The following USP30 variants were observed in gnomAD, a reference collection of about 807,000 sequenced individuals.
The protein encoded by USP30 is ubiquitin specific peptidase 30, also known as ubiquitin carboxyl-terminal hydrolase 30.
In USP30, 41 loss-of-function variants were observed where a neutral mutation model predicts 68.2. The observed-to-expected ratio is 0.60, with a 90% CI of 0.47 to 0.78. The LOEUF (loss-of-function observed/expected upper bound fraction) is 0.78. Among genes scored for constraint, USP30 ranks in the 30% least tolerant of loss-of-function variants. The probability of loss-of-function intolerance (pLI) is 0.00; values close to 1 mark genes in which losing one functional copy is unlikely to be tolerated. For synonymous variants in USP30, 229 were observed against 253.7 expected, an observed-to-expected ratio of 0.90 and a Z score of 0.93; for missense variants, 522 against 649.4, an observed-to-expected ratio of 0.80 and a Z score of 2.13.
chr12:109,055,018 A>T (rs2098474832), intron 1 of USP30, among the ~76,000 whole-genome samples: 1 of 151,408 alleles, frequency 6.6e-6, no homozygotes, highest in Admixed American at 6.6e-5. Context: ...AATGTATTAC[A>T]CACACACACA....
intron 5 of USP30, 152 bp downstream of exon 5, chr12:109,071,862 A>G (rs1478390554): frequency 1.4e-6 from 1 of 690,012 alleles, no homozygotes; most frequent in South Asian, 1.9e-5. Context: ...TTAAAACTAC[A>G]TGCTTTGCAG....
Position 109,081,373 on chromosome 12 carries a change from A to G in USP30, c.760A>G (p.Ser254Gly), listed in dbSNP as rs767720874. The G allele has an allele frequency of 6.2e-7, 1 of 1,614,158 alleles. No individual in the cohort carries two copies. The highest frequency in any genetic ancestry group is 1.1e-5 in the South Asian group (1 of 91,082). ...TGATACCTTTGATAGCCTTTCACTAAGTATTCCAGCCGCCACATGGGTATG... is the reference window on the plus strand; with the variant it reads ...TGATACCTTTGATAGCCTTTCACTAGGTATTCCAGCCGCCACATGGGTATG... ...RFDTFDSLSLSIPAATWGHPL... is the reference protein window; with the variant it reads ...RFDTFDSLSLGIPAATWGHPL... The change falls in exon 8 of 13, where the codon AGT becomes GGT. Residue 254 changes from serine (S) to glycine (G), a missense_variant. Physicochemically the swap from Ser to Gly is moderately conservative, Grantham distance 56. Coordinates refer to ENST00000257548, the MANE Select transcript of USP30 (RefSeq NM_032663.5).
chr12:109,030,083 G>A (rs957047384), intron 3 of USP30, among the ~76,000 whole-genome samples: 3 of 152,088 alleles, frequency 2.0e-5, no homozygotes, highest in Admixed American at 1.3e-4. Flanking sequence ...TGCAAGTTAC[G>A]CTGTAAGATT....
intron 2 of USP30, 89 bp from the exon 3 acceptor site, chr12:109,057,837 C>A: frequency 7.1e-7 from 1 of 1,408,712 alleles, no homozygotes; most frequent in Non-Finnish European, 9.7e-7. Flanking sequence ...AAATTTAAGG[C>A]CACAGCGCAG....
intron 3 of USP30, among the ~76,000 whole-genome samples, chr12:109,065,628 T>C (rs2041224164): frequency 6.6e-6 from 1 of 152,222 alleles, no homozygotes; most frequent in African/African-American, 2.4e-5. Context: ...GATTGGCTAC[T>C]ATGGATTACA....
intron 3 of USP30, among the ~76,000 whole-genome samples, chr12:109,042,441 A>G (rs2040571619): frequency 6.6e-6 from 1 of 152,078 alleles, no homozygotes; most frequent in African/African-American, 2.4e-5. Flanking sequence ...CTCTCACACA[A>G]ATGATAGCAT....
intron 3 of USP30, among the ~76,000 whole-genome samples, chr12:109,059,567 G>T (rs1245650495): frequency 6.6e-6 from 1 of 152,080 alleles, no homozygotes; most frequent in Non-Finnish European, 1.5e-5. Flanking sequence ...AGGCTGGAGT[G>T]CAGTAGCACG....
intron 3 of USP30, among the ~76,000 whole-genome samples, chr12:109,041,940 T>C (rs1292760152): frequency 1.3e-5 from 2 of 152,174 alleles, no homozygotes; most frequent in African/African-American, 4.8e-5. Context: ...GACAAACTTA[T>C]AGAGTATCTC....
chr12:109,084,976 A>C lies in USP30; in HGVS notation c.1192A>C (p.Lys398Gln). 2 of 1,602,600 alleles carry C rather than the reference A, an allele frequency of 1.2e-6. No individual in the cohort carries two copies. Among genetic ancestry groups the C allele is most frequent in the African/African-American group, 1.3e-5 (1 of 74,716 alleles). The change falls in exon 12 of 13, where the codon AAA becomes CAA. Residue 398 changes from lysine (K) to glutamine (Q), a missense_variant. Lys to Gln is a moderately conservative substitution (Grantham distance 53). Transcript: ENST00000257548. Reference protein sequence around the residue: ...TPVLNQPGAPKTQIFMNGACS... With the variant: ...TPVLNQPGAPQTQIFMNGACS... ...AGTTCTGAATCAGCCAGGGGCCCCC[A>C]AAACACAGATTTTTATGAATGGCGC...
chr12:109,027,631 T>G (rs867802518), intron 3 of USP30: 3 of 152,306 alleles, frequency 2.0e-5, no homozygotes, highest in Middle Eastern at 3.4e-3. Context: ...CTGATAAGAG[T>G]GGAATCATAC....
Position 109,034,981 on chromosome 12 carries a change from A to G in USP30, c.-136+7425A>G, listed in dbSNP as rs191047961. ...CTGTTTGAATGATACCACTTTTTCC[A>G]TCCATTTACTTTTAACCTATTTGTG... On this transcript the variant is annotated intron_variant, in intron 3 of 15. Transcript: ENST00000392784. 2.5e-3 allele frequency among the ~76,000 whole-genome samples: 384 copies of G among 152,198 alleles called. 6 individuals carry two copies. The highest frequency in any genetic ancestry group is 9.0e-4 in the Non-Finnish European group (61 of 68,010).
At chr12:109,076,991 C>CA (rs2041631415) in intron 7 of USP30, among the ~76,000 whole-genome samples, 2 of 152,288 alleles carry the variant, frequency 1.3e-5, no homozygotes, top group Non-Finnish European at 1.5e-5. Flanking sequence ...CTCAGCCTCT[C>CA]AAAGTGCTGG....
Position 109,085,884 on chromosome 12 carries a change from C to A in USP30, c.1507C>A (p.Leu503Ile). Residue 503 changes from leucine (L) to isoleucine (I), a missense_variant, in exon 13 of 13, where the codon CTT becomes ATT. Transcript: ENST00000257548. Reference sequence around the variant, plus strand: ...CTACCTGCTGTTCTACGAGCGCGTCCTTTCCAGGATGCAGCACCAGAGCCA... The same window carrying A: ...CTACCTGCTGTTCTACGAGCGCGTCATTTCCAGGATGCAGCACCAGAGCCA... The part of the protein sequence containing the change: ...SAYLLFYERV[L>I]SRMQHQSQEC... 2 of 1,614,230 alleles carry A rather than the reference C, an allele frequency of 1.2e-6. No individual in the cohort carries two copies. Among genetic ancestry groups the A allele is most frequent in the Non-Finnish European group, 1.7e-6 (2 of 1,180,024 alleles).
intron 3 of USP30, among the ~76,000 whole-genome samples, chr12:109,040,485 TAACAA>T (rs2040556677): frequency 6.6e-6 from 1 of 152,230 alleles, no homozygotes; most frequent in African/African-American, 2.4e-5. Flanking sequence ...TTAAAAAAAT[TAACAA>T]TTGTTATCCC....
chr12:109,025,152 A>G (rs996916592), intron 2 of USP30: 4 of 152,114 alleles, frequency 2.6e-5, no homozygotes, highest in African/African-American at 7.2e-5. Flanking sequence ...AGTCTTTAGA[A>G]ACCAAGACTT....
At chr12:109,077,486 ATT>A (rs969800494) in intron 7 of USP30, among the ~76,000 whole-genome samples, 2 of 152,156 alleles carry the variant, frequency 1.3e-5, no homozygotes, top group African/African-American at 4.8e-5. Context: ...TGAATGATTC[ATT>A]TTTAATCTAG....
At chr12:109,029,904 G>C (rs1334967340) in intron 3 of USP30, among the ~76,000 whole-genome samples, 2 of 152,104 alleles carry the variant, frequency 1.3e-5, no homozygotes, top group African/African-American at 4.8e-5. Context: ...TATCTGTTAA[G>C]GCCTCTGAGA....
chr12:109,041,046 T>C (rs2040560953), intron 3 of USP30, among the ~76,000 whole-genome samples: 1 of 152,232 alleles, frequency 6.6e-6, no homozygotes, highest in Admixed American at 6.5e-5. Context: ...TCTGCCCTCA[T>C]TTAAACTCTC....
chr12:109,038,133 A>T (rs926698868), intron 3 of USP30, among the ~76,000 whole-genome samples: 1 of 151,364 alleles, frequency 6.6e-6, no homozygotes, highest in African/African-American at 2.4e-5. Context: ...TTAGCCCAAC[A>T]TTCATGAGCT....
Sources: allele counts gnomAD v4.1 joint callset (sites outside exome capture counted in the v4.1 genomes callset), GRCh38; gene constraint gnomAD v4.1.1; transcripts MANE v1.5; gene names NCBI Gene and HGNC (gene_info 2026-07-23, HGNC 2026-07-21).